TMEM132D: variants seen among roughly 807,000 people sequenced by gnomAD.
The protein encoded by TMEM132D is mature OL transmembrane protein.
In TMEM132D, 21 loss-of-function variants were observed where a neutral mutation model predicts 62.3. The ratio of observed to expected loss-of-function variants is 0.34; its 90% CI spans 0.24 to 0.49. The LOEUF is 0.49. TMEM132D is among the 20% of genes least tolerant of loss of function. The pLI is 0.99. For synonymous variants in TMEM132D, 621 were observed against 575.6 expected, an observed-to-expected ratio of 1.08 and a Z score of -1.13; for missense variants, 1,346 against 1,402.8, an observed-to-expected ratio of 0.96 and a Z score of 0.65.
chr12:129,662,676 C>T (rs1880270272), intron 2 of TMEM132D, among the ~76,000 whole-genome samples: 1 of 151,644 alleles, frequency 6.6e-6, no homozygotes, highest in Non-Finnish European at 1.5e-5. Flanking sequence ...GCCTGTAGTC[C>T]CAGCTAATCA....
intron 1 of TMEM132D, among the ~76,000 whole-genome samples, chr12:129,823,396 A>G (rs994962139): frequency 6.6e-6 from 1 of 152,246 alleles, no homozygotes; most frequent in Admixed American, 6.5e-5. Flanking sequence ...TGTCCTGCAT[A>G]AGCCATATTT....
At chr12:129,765,586 C>G (rs878933467) in intron 1 of TMEM132D, among the ~76,000 whole-genome samples, 19 of 149,906 alleles carry the variant, frequency 1.3e-4, no homozygotes, top group African/African-American at 3.9e-4. Context: ...AAAAAAAGAC[C>G]CAGAAAAAAA....
chr12:129,848,410 G>T (rs1043412227), intron 1 of TMEM132D, among the ~76,000 whole-genome samples: 1 of 152,150 alleles, frequency 6.6e-6, no homozygotes, highest in Non-Finnish European at 1.5e-5. Context: ...CCCGGTACCG[G>T]AATGCTTCAG....
At chr12:129,489,710 C>A (rs1363587761) in intron 3 of TMEM132D, among the ~76,000 whole-genome samples, 1 of 152,188 alleles carries the variant, frequency 6.6e-6, no homozygotes, top group Middle Eastern at 3.2e-3. Context: ...TATACAAATA[C>A]TCTTTCTAAA....
intron 3 of TMEM132D, among the ~76,000 whole-genome samples, chr12:129,471,905 C>T (rs188374304): frequency 1.6e-3 from 238 of 152,372 alleles, no homozygotes; most frequent in African/African-American, 5.4e-3. Context: ...AAGGCCCTAA[C>T]TCTCTTCAGT....
intron 1 of TMEM132D, among the ~76,000 whole-genome samples, chr12:129,707,778 G>A (rs532289119): frequency 2.8e-4 from 42 of 152,242 alleles, no homozygotes; most frequent in Admixed American, 1.4e-3. Flanking sequence ...TGCGCTGGAC[G>A]CAGTGCTGGG....
At chr12:129,179,317 C>G (rs543501620) in intron 5 of TMEM132D, among the ~76,000 whole-genome samples, 19 of 150,846 alleles carry the variant, frequency 1.3e-4, no homozygotes, top group African/African-American at 4.2e-4. Context: ...CCAGAGGTAG[C>G]CTTTTTTTTT....
At chr12:129,081,712 G>A (rs1874451329) in intron 7 of TMEM132D, 47 bp downstream of exon 7, 2 of 1,534,668 alleles carry the variant, frequency 1.3e-6, no homozygotes, top group Non-Finnish European at 1.7e-6. Context: ...AGCAGAGGTG[G>A]GAAGACAGAG....
intron 1 of TMEM132D, among the ~76,000 whole-genome samples, chr12:129,707,004 T>C (rs1881521354): frequency 6.6e-6 from 1 of 151,142 alleles, no homozygotes; most frequent in East Asian, 1.9e-4. Context: ...CGAAATAAAA[T>C]TGATCAACTA....
At chr12:129,255,804 A>T (rs1475248289) in intron 4 of TMEM132D, among the ~76,000 whole-genome samples, 2 of 152,170 alleles carry the variant, frequency 1.3e-5, no homozygotes, top group African/African-American at 4.8e-5. Context: ...GAGGGGGAAA[A>T]ACAGAGGAAG....
intron 2 of TMEM132D, among the ~76,000 whole-genome samples, chr12:129,624,363 C>A (rs1318443446): frequency 2.0e-5 from 3 of 152,098 alleles, no homozygotes; most frequent in Non-Finnish European, 4.4e-5. Flanking sequence ...AAACTGGGAC[C>A]CCCAAATGGG....
intron 3 of TMEM132D, among the ~76,000 whole-genome samples, chr12:129,339,307 A>G (rs539843374): frequency 7.3e-6 from 1 of 137,098 alleles, no homozygotes; most frequent in Non-Finnish European, 1.6e-5. Flanking sequence ...ATAGAAGAGG[A>G]GGAAGGGGAG....
At chr12:129,504,956 A>T (rs1875284328) in intron 3 of TMEM132D, among the ~76,000 whole-genome samples, 1 of 152,132 alleles carries the variant, frequency 6.6e-6, no homozygotes, top group Admixed American at 6.5e-5. Context: ...TTCCATCTTG[A>T]TTTCATTGTT....
intron 3 of TMEM132D, among the ~76,000 whole-genome samples, chr12:129,425,046 C>T (rs1872453915): frequency 1.3e-5 from 2 of 152,100 alleles, no homozygotes; most frequent in Admixed American, 1.3e-4. Flanking sequence ...TGCTTCTTTC[C>T]CTTAGGGTAA....
intron 2 of TMEM132D, among the ~76,000 whole-genome samples, chr12:129,533,604 A>T (rs1876290708): frequency 6.6e-6 from 1 of 152,238 alleles, no homozygotes; most frequent in South Asian, 2.1e-4. Context: ...TAAGTAGGCT[A>T]TGTGGAATTC....
intron 5 of TMEM132D, among the ~76,000 whole-genome samples, chr12:129,172,848 G>A (rs758595801): frequency 3.3e-5 from 5 of 152,146 alleles, no homozygotes; most frequent in Non-Finnish European, 7.3e-5. Context: ...AAAGTGCTGG[G>A]ATTACAGTGT....
chr12:129,332,900 A>G (rs905705070), intron 4 of TMEM132D, among the ~76,000 whole-genome samples: 1 of 152,214 alleles, frequency 6.6e-6, no homozygotes, highest in Non-Finnish European at 1.5e-5. Flanking sequence ...TAGTAGCTAT[A>G]GTTTCAGTTT....
At chr12:129,295,453 A>C (rs1881551519) in intron 4 of TMEM132D, among the ~76,000 whole-genome samples, 1 of 136,868 alleles carries the variant, frequency 7.3e-6, no homozygotes, top group Non-Finnish European at 1.5e-5. Context: ...TTTTTGAGAC[A>C]GTATCTCGTC....
chr12:129,416,705 G>A (rs149828929), intron 3 of TMEM132D, among the ~76,000 whole-genome samples: 312 of 152,216 alleles, frequency 2.0e-3, no homozygotes, highest in African/African-American at 7.2e-3. Flanking sequence ...TAAGTATTTT[G>A]AGATATGTTC....
Sources: gnomAD v4.1 joint callset for allele counts (sites outside exome capture counted in the v4.1 genomes callset) on GRCh38, gnomAD v4.1.1 for gene constraint, MANE v1.5 for transcripts, NCBI Gene and HGNC (gene_info 2026-07-23, HGNC 2026-07-21) for gene names.